GYS2: variants seen among roughly 807,000 people sequenced by gnomAD.
GYS2 encodes the protein glycogen [starch] synthase, liver.
In GYS2, 80 loss-of-function variants were observed where a neutral mutation model predicts 85.6. That is an observed-to-expected ratio of 0.93 (90% CI 0.78 to 1.13). The LOEUF (loss-of-function observed/expected upper bound fraction) is 1.13, where lower values mean the gene tolerates loss of function less well. Ranked by LOEUF, GYS2 falls within the 50% of genes most tolerant of loss-of-function variation. The pLI is 0.00. For synonymous variants in GYS2, 328 were observed against 300.7 expected (o/e 1.09, Z -0.94); for missense variants, 881 against 854.9 (o/e 1.03, Z -0.38).
At chr12:21,575,249 G>A (rs1316684921) in intron 3 of GYS2, among the ~76,000 whole-genome samples, 1 of 152,128 alleles carries the variant, frequency 6.6e-6, no homozygotes, top group East Asian at 1.9e-4. Flanking sequence ...ACTGAAGATC[G>A]GGGTCTAATT....
intron 1 of GYS2, among the ~76,000 whole-genome samples, chr12:21,603,616 C>G (rs570293741): frequency 2.3e-4 from 35 of 152,084 alleles, no homozygotes; most frequent in Admixed American, 1.7e-3. Context: ...TTAAATCACA[C>G]AAGTCATCAC....
intron 9 of GYS2, 145 bp from the exon 10 acceptor site, chr12:21,559,314 CTT>C: frequency 1.7e-6 from 1 of 585,408 alleles, no homozygotes. Flanking sequence ...TTCACATAGA[CTT>C]AATATTTAAG....
At chr12:21,578,339 A>G (rs560698009) in intron 2 of GYS2, among the ~76,000 whole-genome samples, 3 of 152,260 alleles carry the variant, frequency 2.0e-5, no homozygotes, top group Admixed American at 6.5e-5. Context: ...TATTAATTCA[A>G]TCACTTTTAC....
chr12:21,551,817 T>A lies in GYS2; in HGVS notation c.1423-5347A>T, dbSNP rs781350098. On this transcript the variant is annotated intron_variant, in intron 11 of 15. Coordinates refer to ENST00000261195, the MANE Select transcript of GYS2 (RefSeq NM_021957.4). ...CACAGATACTGTATCTGGGCAATCA[T>A]CAAACTGGCAACCCGTTGTACTCTC... is the stretch of plus-strand genomic sequence containing the variant. Among the ~76,000 whole-genome samples, 7 of 152,270 alleles carry A rather than the reference T, an allele frequency of 4.6e-5. No homozygotes were observed. The East Asian group carries it at 1.2e-3, about 25-fold the overall frequency.
At chr12:21,604,320 G>A (rs1345735134) in intron 1 of GYS2, 152 bp downstream of exon 1, 4 of 699,258 alleles carry the variant, frequency 5.7e-6, no homozygotes, top group Admixed American at 1.8e-5. Context: ...AATAGACAAG[G>A]TTAAATGTAG....
chr12:21,546,374 A>G lies in GYS2; in HGVS notation c.1519T>C (p.Ser507Pro), dbSNP rs995520226. ...GTATAACCCCAGGGTTCATAGTATG[A>G]TGGAAATACTCCAAGATGACAACCT... is the stretch of plus-strand genomic sequence containing the variant. ...VRGCHLGVFP[S>P]YYEPWGYTPA... is the part of the protein sequence containing the mutation. The change falls in exon 12 of 16, where the codon TCA (serine) becomes CCA (proline). Residue 507 changes from serine (S) to proline (P), a missense_variant. Ser to Pro is a moderately conservative substitution (Grantham distance 74). Transcript: ENST00000261195. The G allele has an allele frequency of 1.2e-6, 2 of 1,602,468 alleles. No homozygotes were observed. Among genetic ancestry groups the G allele is most frequent in the African/African-American group, 2.7e-5 (2 of 74,666 alleles).
At chr12:21,540,829 T>G (rs899566174) in intron 13 of GYS2, among the ~76,000 whole-genome samples, 1 of 152,136 alleles carries the variant, frequency 6.6e-6, no homozygotes, top group Non-Finnish European at 1.5e-5. Flanking sequence ...GCTGGATCAG[T>G]GATCCTCCAT....
intron 1 of GYS2, among the ~76,000 whole-genome samples, chr12:21,599,334 A>T (rs1944729732): frequency 6.6e-6 from 1 of 152,084 alleles, no homozygotes; most frequent in African/African-American, 2.4e-5. Context: ...GGTAGGAAGG[A>T]GATTAGGTGC....
intron 8 of GYS2, 73 bp downstream of exon 8, chr12:21,560,313 A>G (rs968135269): frequency 1.2e-6 from 1 of 843,214 alleles, no homozygotes; most frequent in Non-Finnish European, 2.1e-6. Context: ...AAGGCGATAC[A>G]TGAGATGTCA....
At chr12:21,565,390 A>AATATATATATAT (rs55790137) in intron 5 of GYS2, among the ~76,000 whole-genome samples, 23 of 73,626 alleles carry the variant, frequency 3.1e-4, no homozygotes, top group East Asian at 1.0e-3. Context: ...CCATCCATGA[A>AATATATATATAT]ATATATATAT....
At chr12:21,593,654 C>T (rs1252387839) in intron 1 of GYS2, among the ~76,000 whole-genome samples, 1 of 151,938 alleles carries the variant, frequency 6.6e-6, no homozygotes, top group African/African-American at 2.4e-5. Context: ...AATTTCAAGA[C>T]CAGATGGCTT....
intron 8 of GYS2, among the ~76,000 whole-genome samples, chr12:21,559,926 CAA>C (rs1944231272): frequency 6.6e-6 from 1 of 152,136 alleles, no homozygotes; most frequent in Non-Finnish European, 1.5e-5. Flanking sequence ...ATGGCCAGCA[CAA>C]AGAGCTTAAA....
intron 7 of GYS2, 59 bp from the exon 8 acceptor site, chr12:21,560,551 G>C: frequency 2.4e-6 from 2 of 832,922 alleles, no homozygotes; most frequent in Non-Finnish European, 4.3e-6. Flanking sequence ...AAGTATGATA[G>C]ATGGAACTTA....
At chr12:21,540,056 C>A (rs1943954239) in intron 14 of GYS2, among the ~76,000 whole-genome samples, 1 of 152,186 alleles carries the variant, frequency 6.6e-6, no homozygotes, top group Non-Finnish European at 1.5e-5. Flanking sequence ...AATATGACTA[C>A]ACTATTTCTC....
chr12:21,551,675 T>C (rs1944112594), intron 11 of GYS2, among the ~76,000 whole-genome samples: 1 of 152,078 alleles, frequency 6.6e-6, no homozygotes, highest in Non-Finnish European at 1.5e-5. Flanking sequence ...ACTTAAGAAT[T>C]CAATCACAGA....
chr12:21,563,239 A>G lies in GYS2; in HGVS notation c.930T>C (p.Gly310=). 6.3e-7 allele frequency: 1 copy of G among 1,589,562 alleles called. No individual in the cohort carries two copies. The highest frequency in any genetic ancestry group is 8.6e-7 in the Non-Finnish European group (1 of 1,157,742). ...YKARIQDFVR[G]HFYGHLDFDL... ...AAAGAAAATCATACCCATAGAAATG[A>G]CCTCGAACAAAATCTTGGATTCTGG... The change falls in exon 6 of 16, where the codon GGT becomes GGC. Residue 310 remains glycine (G), a synonymous_variant. Coordinates refer to ENST00000261195, the MANE Select transcript of GYS2 (RefSeq NM_021957.4).
In GYS2 at chr12:21,557,985, G is replaced by A. The variant is rs7967257; in HGVS notation, c.1422+215C>T. Among the ~76,000 whole-genome samples, 110,011 of 151,912 alleles carry A rather than the reference G, an allele frequency of 0.72. 40,373 individuals are homozygous for A. Among genetic ancestry groups the A allele is most frequent in the South Asian group, 0.8 (3,833 of 4,820 alleles). On this transcript the variant is annotated intron_variant, in intron 11 of 15. Coordinates refer to ENST00000261195, the MANE Select transcript of GYS2 (RefSeq NM_021957.4). The stretch of plus-strand genomic sequence containing the variant: ...TACAGTGGAAATAAATGCTAGAATT[G>A]TAGCTCAAAGCTATGAATATGCTTC...
At chr12:21,536,044 G>T (rs1943907156), downstream of GYS2, 1 of 152,044 alleles carries the variant, frequency 6.6e-6, no homozygotes, top group Non-Finnish European at 1.5e-5. Context: ...ATTCATAACA[G>T]CTGCTTCCCA....
intron 1 of GYS2, among the ~76,000 whole-genome samples, chr12:21,594,053 C>T (rs1247512917): frequency 2.0e-5 from 3 of 152,040 alleles, no homozygotes; most frequent in Non-Finnish European, 4.4e-5. Flanking sequence ...TTTAACATTC[C>T]TTCATGATAA....
Sources: gnomAD v4.1 joint callset for allele counts (sites outside exome capture counted in the v4.1 genomes callset) on GRCh38, gnomAD v4.1.1 for gene constraint, MANE v1.5 for transcripts, NCBI Gene and HGNC (gene_info 2026-07-23, HGNC 2026-07-21) for gene names.